The following GTF2E2 variants were observed in gnomAD, a reference collection of about 807,000 sequenced individuals.
GTF2E2 encodes the protein general transcription factor IIE subunit 2.
GTF2E2 carries 21 observed loss-of-function variants against 40.5 expected under a neutral mutation model. That is an observed-to-expected ratio of 0.52 (90% CI 0.37 to 0.75). GTF2E2 has a LOEUF of 0.75. GTF2E2 is among the 30% of genes least tolerant of loss of function. GTF2E2 has a pLI of 0.00. For missense variants in GTF2E2, 298 were observed against 338.4 expected, an observed-to-expected ratio of 0.88 and a Z score of 0.94; for synonymous variants, 117 against 121.6, an observed-to-expected ratio of 0.96 and a Z score of 0.25.
At chr8:30,605,505 A>G (rs938341858) in intron 6 of GTF2E2, among the ~76,000 whole-genome samples, 3 of 152,218 alleles carry the variant, frequency 2.0e-5, no homozygotes, top group Non-Finnish European at 4.4e-5. Flanking sequence ...GCCTTTTAGT[A>G]TAGGCTCTTA....
chr8:30,656,211 TC>T (rs1402153200), intron 1 of GTF2E2, among the ~76,000 whole-genome samples: 1 of 152,216 alleles, frequency 6.6e-6, no homozygotes, highest in African/African-American at 2.4e-5. Context: ...GCTGTCCACA[TC>T]CAGCCCAATT....
intron 2 of GTF2E2, among the ~76,000 whole-genome samples, chr8:30,652,464 CA>C (rs1802313484): frequency 6.6e-6 from 1 of 150,552 alleles, no homozygotes; most frequent in South Asian, 2.1e-4. Context: ...GCACATGAAA[CA>C]ATGTTCAACA....
rs1563469755 is a variant in GTF2E2, at chr8:30,580,274, T to TA, written c.759+6dup. The TA allele has an allele frequency of 2.0e-6, 3 of 1,470,468 alleles. No individual in the cohort carries two copies. The highest frequency in any genetic ancestry group is 2.9e-6 in the Non-Finnish European group (3 of 1,048,858). 91.1% of individuals were successfully genotyped at this position (1,470,468 alleles called of 1,614,324 possible). On this transcript the variant is annotated splice_region_variant and intron_variant, in intron 7 of 7. Transcript: ENST00000355904. ...GGGATTAAGCTGCTTTGCTAGAGATTACGCACCACTTTCTTTGGTCCAGAT... is the reference window on the plus strand; with the variant it reads ...GGGATTAAGCTGCTTTGCTAGAGATTAACGCACCACTTTCTTTGGTCCAGAT...
At chr8:30,654,962 C>T (rs1802407538) in intron 1 of GTF2E2, among the ~76,000 whole-genome samples, 2 of 152,100 alleles carry the variant, frequency 1.3e-5, no homozygotes, top group South Asian at 2.1e-4. Flanking sequence ...TACAGAGAGC[C>T]GGGCACAGTG....
chr8:30,647,011 C>T (rs1444835822), intron 2 of GTF2E2, among the ~76,000 whole-genome samples: 2 of 119,756 alleles, frequency 1.7e-5, no homozygotes, highest in South Asian at 2.6e-4. Context: ...AAAAAGCAAC[C>T]GAAAAGTCTG....
intron 5 of GTF2E2, among the ~76,000 whole-genome samples, chr8:30,611,144 A>G (rs1011650452): frequency 5.3e-5 from 8 of 152,208 alleles, no homozygotes; most frequent in African/African-American, 1.9e-4. Context: ...CAGAAGAGAC[A>G]TATCATATGC....
intron 1 of GTF2E2, among the ~76,000 whole-genome samples, chr8:30,654,490 A>G (rs1802394480): frequency 6.6e-6 from 1 of 151,758 alleles, no homozygotes; most frequent in East Asian, 1.9e-4. Context: ...GTAGCCTTGA[A>G]CTCCTGGGCT....
chr8:30,647,035 G>A (rs1342750327), intron 2 of GTF2E2, among the ~76,000 whole-genome samples: 1 of 118,832 alleles, frequency 8.4e-6, no homozygotes, highest in Non-Finnish European at 1.8e-5. Flanking sequence ...AGATAGACAA[G>A]TATTTAAAAG....
chr8:30,604,690 G>A (rs1178743624), intron 6 of GTF2E2, among the ~76,000 whole-genome samples: 2 of 152,146 alleles, frequency 1.3e-5, no homozygotes, highest in Admixed American at 1.3e-4. Context: ...TATCCATGAT[G>A]CATGTTTAAT....
intron 2 of GTF2E2, among the ~76,000 whole-genome samples, chr8:30,651,492 C>T (rs1302402684): frequency 1.3e-5 from 2 of 152,016 alleles, no homozygotes. Flanking sequence ...TAATGACTCA[C>T]ACCTATAATC....
rs1210100334 is a variant in GTF2E2 at position 30,614,660 on chromosome 8, T to C, written c.314A>G (p.Glu105Gly). 1 of 1,610,840 alleles carries C rather than the reference T, an allele frequency of 6.2e-7. No individual in the cohort carries two copies. Among genetic ancestry groups the C allele is most frequent in the Non-Finnish European group, 8.5e-7 (1 of 1,177,344 alleles). ...GAGTCCAATATCTAAATGTTGTGTTTCATCCAAAATTTCATCTAAGGTTAG... is the reference window on the plus strand; with the variant it reads ...GAGTCCAATATCTAAATGTTGTGTTCCATCCAAAATTTCATCTAAGGTTAG... The part of the protein sequence containing the change: ...HPLTLDEILD[E>G]TQHLDIGLKQ... The change falls in exon 4 of 8, where the codon GAA becomes GGA. Residue 105 changes from glutamate (E) to glycine (G), a missense_variant. Coordinates refer to ENST00000355904, the MANE Select transcript of GTF2E2 (RefSeq NM_002095.6).
intron 3 of GTF2E2, among the ~76,000 whole-genome samples, chr8:30,632,085 A>C (rs2128722915): frequency 6.6e-6 from 1 of 152,322 alleles, no homozygotes; most frequent in South Asian, 2.1e-4. Context: ...ACTCTAGCCT[A>C]GGTGACAGAG....
At chr8:30,591,617 G>T (rs1390063707) in intron 6 of GTF2E2, among the ~76,000 whole-genome samples, 1 of 152,192 alleles carries the variant, frequency 6.6e-6, no homozygotes, top group Non-Finnish European at 1.5e-5. Flanking sequence ...CCACCAGAAT[G>T]GCTAAAATCA....
intron 3 of GTF2E2, among the ~76,000 whole-genome samples, chr8:30,620,239 A>AC (rs1801048708): frequency 6.6e-6 from 1 of 150,418 alleles, no homozygotes; most frequent in Admixed American, 6.6e-5. Context: ...CACACACACA[A>AC]ACACACACAC....
chr8:30,657,157 T>C (rs1339752970), intron 1 of GTF2E2, among the ~76,000 whole-genome samples: 1 of 152,100 alleles, frequency 6.6e-6, no homozygotes, highest in East Asian at 1.9e-4. Context: ...CCGCCTAACT[T>C]TTCCTCCTTT....
At chr8:30,585,335 A>C (rs570971939) in intron 6 of GTF2E2, among the ~76,000 whole-genome samples, 1 of 152,326 alleles carries the variant, frequency 6.6e-6, no homozygotes, top group African/African-American at 2.4e-5. Context: ...TCTAACACCC[A>C]TCATAATTTT....
rs112013012 is a variant in GTF2E2 at position 30,580,353 on chromosome 8, G to C, written c.687C>G (p.Asp229Glu). ...TCAGATATTCTTCAATTTTCTCCTC[G>C]TCCATGGAATCTACAGTGACACTCC... The part of the protein sequence containing the change: ...LWRSVTVDSM[D>E]EEKIEEYLKR... The change falls in exon 7 of 8, where the codon GAC (aspartate) becomes GAG (glutamate). Residue 229 changes from aspartate to glutamate, a missense_variant. Asp to Glu is a conservative substitution (Grantham distance 45). Transcript: ENST00000355904. 8 of 1,608,582 alleles carry C rather than the reference G, an allele frequency of 5.0e-6. No individual in the cohort carries two copies. The highest frequency in any genetic ancestry group is 6.8e-6 in the Non-Finnish European group (8 of 1,174,984).
Position 30,607,157 on chromosome 8 carries a change from G to A in GTF2E2, c.550-7C>T. On this transcript the variant is annotated splice_region_variant and splice_polypyrimidine_tract_variant and intron_variant, in intron 5 of 7. Coordinates refer to ENST00000355904, the MANE Select transcript of GTF2E2 (RefSeq NM_002095.6). ...GTATCTGGTCCCCCAAAGCCTTAAA[G>A]ATAGATAAAATAAAGATTTTTCAGT... 1.8e-6 allele frequency: 2 copies of A among 1,124,304 alleles called. No homozygotes were observed. Among genetic ancestry groups the A allele is most frequent in the Middle Eastern group, 2.2e-4 (1 of 4,486 alleles). The allele number at this position is 1,124,304 out of a possible 1,614,324, so 69.6% of individuals were successfully genotyped here. A position where few individuals can be genotyped will look rare whatever the true frequency, so the allele number is the denominator to read the frequency against.
At chr8:30,607,727 C>T (rs142351497) in intron 5 of GTF2E2, among the ~76,000 whole-genome samples, 140 of 152,254 alleles carry the variant, frequency 9.2e-4, no homozygotes, top group African/African-American at 3.2e-3. Context: ...GCTGCAATTA[C>T]TATTTGGGTC....
Sources: allele counts gnomAD v4.1 joint callset (sites outside exome capture counted in the v4.1 genomes callset), GRCh38; gene constraint gnomAD v4.1.1; transcripts MANE v1.5; gene names NCBI Gene and HGNC (gene_info 2026-07-23, HGNC 2026-07-21).